Variants in STAG1 observed in about 807,000 individuals in gnomAD.
The protein encoded by STAG1 is STAG1 cohesin complex component.
STAG1 carries 26 observed loss-of-function variants against 170.9 expected under a neutral mutation model. The ratio of observed to expected loss-of-function variants is 0.15; its 90% confidence interval spans 0.11 to 0.21. The LOEUF is 0.21. Ranked by LOEUF, STAG1 falls within the 10% of genes least tolerant of loss-of-function variation. STAG1 has a pLI of 1.00. For missense variants in STAG1, 964 were observed against 1,509.5 expected, an observed-to-expected ratio of 0.64 and a Z score of 5.99; for synonymous variants, 514 against 497.7, an observed-to-expected ratio of 1.03 and a Z score of -0.44.
chr3:136,505,218 CCATCATAATGTGACAT>C (rs1446542586), intron 7 of STAG1, among the ~76,000 whole-genome samples: 4 of 152,188 alleles, frequency 2.6e-5, no homozygotes, highest in African/African-American at 9.7e-5. Flanking sequence ...AGGAATTCAG[CCATCATAATGTGACAT>C]CAGCTCTTAA....
intron 26 of STAG1, among the ~76,000 whole-genome samples, chr3:136,362,613 A>G (rs1936916735): frequency 3.3e-5 from 5 of 150,248 alleles, no homozygotes; most frequent in South Asian, 4.2e-4. Flanking sequence ...TGCAAAAAAA[A>G]AAAAAAAAAG....
chr3:136,728,414 A>G (rs541389301), intron 1 of STAG1, among the ~76,000 whole-genome samples: 2 of 152,312 alleles, frequency 1.3e-5, no homozygotes, highest in African/African-American at 4.8e-5. Flanking sequence ...GCATAAAGGA[A>G]GCCAGACTGC....
Position 136,568,754 on chromosome 3 carries a change from A to C in STAG1, c.394+11T>G. On this transcript the variant is annotated intron_variant, in intron 5 of 33. Coordinates refer to ENST00000383202, the MANE Select transcript of STAG1 (RefSeq NM_005862.3). The stretch of plus-strand genomic sequence containing the variant: ...GGCTCAATGTACATCATTTATTTCA[A>C]CATTCTGTACCTCGACATCCTGAAC... 1.9e-6 allele frequency: 3 copies of C among 1,600,662 alleles called. No individual in the cohort carries two copies. Among genetic ancestry groups the C allele is most frequent in the Non-Finnish European group, 2.6e-6 (3 of 1,169,602 alleles).
intron 1 of STAG1, among the ~76,000 whole-genome samples, chr3:136,691,931 C>A (rs186326727): frequency 6.2e-4 from 95 of 152,250 alleles, no homozygotes; most frequent in African/African-American, 2.2e-3. Flanking sequence ...AGTCCTGAGG[C>A]ATAAGTCTAA....
chr3:136,616,004 C>T (rs1939574845), intron 3 of STAG1, among the ~76,000 whole-genome samples: 1 of 151,880 alleles, frequency 6.6e-6, no homozygotes, highest in Non-Finnish European at 1.5e-5. Flanking sequence ...CGCAGTGGCT[C>T]GCACCTGTAA....
intron 3 of STAG1, among the ~76,000 whole-genome samples, chr3:136,608,390 GGGT>G (rs1939070981): frequency 6.7e-6 from 1 of 150,374 alleles, no homozygotes; most frequent in African/African-American, 2.5e-5. Context: ...AAGTTAGCTA[GGGT>G]AGTAATGTGT....
At chr3:136,703,066 C>CAAAAAA (rs1157305676) in intron 1 of STAG1, among the ~76,000 whole-genome samples, 10 of 75,720 alleles carry the variant, frequency 1.3e-4, no homozygotes, top group East Asian at 5.9e-4. Context: ...GACTCCATCT[C>CAAAAAA]AAAAAAAAAA....
At position 136,530,933 on chromosome 3, in the gene STAG1, C is replaced by T. The variant is rs58636237; in HGVS notation, c.472-9516G>A. On this transcript the variant is annotated intron_variant, in intron 6 of 33. Transcript: ENST00000383202. ...TCAGCCTAGCCAACATGGTAAACTC[C>T]GTCTCTACTAAAAATACAAAAATTA... 2.5e-3 allele frequency among the ~76,000 whole-genome samples: 387 copies of T among 152,010 alleles called. 1 individual carries two copies. The highest frequency in any genetic ancestry group is 6.5e-3 in the African/African-American group (271 of 41,402).
rs756610247 is a variant in STAG1, at chr3:136,623,095, C to T, written c.132+51G>A. 3 of 1,487,966 alleles carry T rather than the reference C, an allele frequency of 2.0e-6. No homozygotes were observed. The African/African-American group carries it at 4.2e-5, about 21-fold the overall frequency. 92.2% of individuals were successfully genotyped at this position (1,487,966 alleles called of 1,614,324 possible). A position where few individuals can be genotyped will look rare whatever the true frequency, so the allele number is the denominator to read the frequency against. ...CTAGAATTAACAACTCATATAAACTCATTAACACGGTCACTATTAAAGGAA... is the reference window on the plus strand; with the variant it reads ...CTAGAATTAACAACTCATATAAACTTATTAACACGGTCACTATTAAAGGAA... On this transcript the variant is annotated intron_variant, in intron 3 of 33. Transcript: ENST00000383202.
At chr3:136,672,126 T>C (rs1048612779) in intron 1 of STAG1, among the ~76,000 whole-genome samples, 1 of 152,204 alleles carries the variant, frequency 6.6e-6, no homozygotes, top group African/African-American at 2.4e-5. Context: ...AAGGATTCCA[T>C]TCCCTTAACC....
At chr3:136,377,901 T>A (rs1034655508) in intron 22 of STAG1, 149 bp from the exon 23 acceptor site, 1 of 650,626 alleles carries the variant, frequency 1.5e-6, no homozygotes, top group African/African-American at 1.8e-5. Flanking sequence ...TTTAATGTAG[T>A]CATTTCTTAG....
In STAG1 at chr3:136,549,752, T is replaced by C. The variant is rs566162413; in HGVS notation, c.395-7557A>G. Reference sequence around the variant, plus strand: ...AGAGTGGGCATCCTCACCTTGTTCCTGATCTTACAGAAAAAGCTTTTAGAT... The same window carrying C: ...AGAGTGGGCATCCTCACCTTGTTCCCGATCTTACAGAAAAAGCTTTTAGAT... On this transcript the variant is annotated intron_variant, in intron 5 of 33. Transcript: ENST00000383202. Among the ~76,000 whole-genome samples, 10 of 152,216 alleles carry C rather than the reference T, an allele frequency of 6.6e-5. No individual in the cohort carries two copies. The East Asian group carries it at 1.4e-3, about 21-fold the overall frequency.
chr3:136,556,965 GC>G (rs1242002562), intron 5 of STAG1, among the ~76,000 whole-genome samples: 1 of 152,122 alleles, frequency 6.6e-6, no homozygotes, highest in Admixed American at 6.5e-5. Flanking sequence ...AGGAGCAATG[GC>G]CGACGCCTGT....
intron 1 of STAG1, among the ~76,000 whole-genome samples, chr3:136,633,653 T>C (rs370645798): frequency 2.1e-3 from 279 of 130,556 alleles, no homozygotes; most frequent in African/African-American, 7.6e-3. Context: ...TGAGCTAAGA[T>C]TGTGCCACTG....
Position 136,623,150 on chromosome 3 carries a change from G to A in STAG1, c.128C>T (p.Pro43Leu). The change falls in exon 3 of 34, where the codon CCT becomes CTT. Residue 43 changes from proline to leucine, a missense_variant. This residue lies in a region of STAG1 where 108 missense variants were observed against 120.2 expected (regional missense o/e 0.90). Transcript: ENST00000383202. ...GAAGACAAGCATAATACATACTGGAGGCCGGCCAGGACGACCCCTTTTTCT... is the reference window on the plus strand; with the variant it reads ...GAAGACAAGCATAATACATACTGGAAGCCGGCCAGGACGACCCCTTTTTCT... ...GKRKRGRPGR[P>L]PSTNKKPRKS... The A allele has an allele frequency of 6.2e-7, 1 of 1,612,888 alleles. No individual in the cohort carries two copies. Among genetic ancestry groups the A allele is most frequent in the Non-Finnish European group, 8.5e-7 (1 of 1,179,288 alleles).
At chr3:136,604,253 C>T (rs927312954) in intron 4 of STAG1, 56 bp downstream of exon 4, 1 of 1,504,544 alleles carries the variant, frequency 6.6e-7, no homozygotes, top group African/African-American at 1.4e-5. Flanking sequence ...CTAACTGATT[C>T]CACCCAAGTT....
At chr3:136,681,488 T>C (rs750967074) in intron 1 of STAG1, among the ~76,000 whole-genome samples, 33 of 152,196 alleles carry the variant, frequency 2.2e-4, no homozygotes, top group Non-Finnish European at 3.7e-4. Flanking sequence ...CCAAACAAGG[T>C]AGTATACAAG....
chr3:136,497,212 A>G (rs1200452041), intron 9 of STAG1, among the ~76,000 whole-genome samples: 1 of 152,148 alleles, frequency 6.6e-6, no homozygotes, highest in African/African-American at 2.4e-5. Flanking sequence ...TAAAGAAGAG[A>G]GAATACACTG....
At position 136,369,107 on chromosome 3, in the gene STAG1, C is replaced by A; in HGVS notation, c.2545+1G>T. ...ATTGACAAGATGATAGCTACAAGTA[C>A]CCATGCTCTGGTTCTCCTCGTCTTG... On this transcript the variant is annotated splice_donor_variant, in intron 24 of 33. Transcript: ENST00000383202. LOFTEE classifies it high-confidence loss of function. The A allele has an allele frequency of 6.6e-7, 1 of 1,518,368 alleles. No individual in the cohort carries two copies. The highest frequency in any genetic ancestry group is 1.3e-5 in the South Asian group (1 of 74,104). The allele number at this position is 1,518,368 out of a possible 1,614,324, so 94.1% of individuals were successfully genotyped here.
Sources: allele counts gnomAD v4.1 joint callset (sites outside exome capture counted in the v4.1 genomes callset), GRCh38; gene constraint gnomAD v4.1.1; regional missense constraint gnomAD v4.1.1; transcripts MANE v1.5; gene names NCBI Gene and HGNC (gene_info 2026-07-23, HGNC 2026-07-21).